KLHL4: variants seen among roughly 807,000 people sequenced by gnomAD.
KLHL4 encodes kelch-like protein 4.
In KLHL4, 17 loss-of-function variants were observed where a neutral mutation model predicts 45.8. The ratio of observed to expected loss-of-function variants is 0.37; its 90% confidence interval spans 0.25 to 0.56. The LOEUF (loss-of-function observed/expected upper bound fraction) is 0.56. KLHL4 is among the 20% of genes least tolerant of loss of function. The probability of loss-of-function intolerance (pLI) is 0.79; values close to 1 mark genes in which losing one functional copy is unlikely to be tolerated. For synonymous variants in KLHL4, 224 were observed against 189.9 expected (o/e 1.18, Z -1.47); for missense variants, 544 against 544.9 (o/e 1.00, Z 0.02).
intron 1 of KLHL4, among the ~76,000 whole-genome samples, chrX:87,544,782 A>G (rs1462792316): frequency 8.9e-6 from 1 of 111,901 alleles, no homozygotes; most frequent in African/African-American, 3.3e-5. Flanking sequence ...TATAGCTTAG[A>G]TCATAGCACT....
intron 1 of KLHL4, among the ~76,000 whole-genome samples, chrX:87,572,075 C>G (rs983817471): frequency 3.6e-5 from 4 of 111,158 alleles, no homozygotes; most frequent in Non-Finnish European, 5.7e-5. Flanking sequence ...AGTTGAAATT[C>G]TGTTTGCATT....
intron 5 of KLHL4, among the ~76,000 whole-genome samples, 177 bp downstream of exon 5, chrX:87,622,600 G>A (rs1298749804): frequency 9.0e-6 from 1 of 110,865 alleles, no homozygotes; most frequent in East Asian, 2.8e-4. Flanking sequence ...ATAAAAGACA[G>A]AAAAAAACAC....
Position 87,635,762 on chromosome X carries a change from G to C in KLHL4, c.1912G>C (p.Asp638His). 1 of 1,183,738 alleles carries C rather than the reference G, an allele frequency of 8.4e-7. No individual in the cohort carries two copies. The stretch of plus-strand genomic sequence containing the variant: ...TTCCAACCATTGCTCCAGGCTTTCT[G>C]ACTGTGTGGAACGGTAAGTTTTTTC... The part of the protein sequence containing the change: ...PASNHCSRLS[D>H]CVERYDPKGD... Residue 638 changes from aspartate (D) to histidine (H), a missense_variant, in exon 9 of 11, where the codon GAC becomes CAC. Transcript: ENST00000373119.
intron 1 of KLHL4, among the ~76,000 whole-genome samples, chrX:87,519,115 A>C (rs1473836075): frequency 8.9e-6 from 1 of 111,910 alleles, no homozygotes; most frequent in Non-Finnish European, 1.9e-5. Flanking sequence ...CTATAACTTA[A>C]CCTAGTGTAT....
rs752980639 is a variant in KLHL4, at chrX:87,636,018, TTTTTTA to T, written c.1925+256_1925+261del. On this transcript the variant is annotated intron_variant, in intron 9 of 10. Coordinates refer to ENST00000373119, the MANE Select transcript of KLHL4 (RefSeq NM_019117.5). ...GGATCTTAGCTAATTTTAATTTTAA[TTTTTTA>T]TTTTTATTTTTAATGGACAGTGTTT... Among the ~76,000 whole-genome samples the T allele has an allele frequency of 4.8e-4, 54 of 111,507 alleles. No homozygotes were observed. The East Asian group carries it at 6.5e-3, about 13-fold the overall frequency.
intron 1 of KLHL4, among the ~76,000 whole-genome samples, chrX:87,592,350 G>T (rs1921697689): frequency 8.9e-6 from 1 of 111,814 alleles, no homozygotes. Context: ...TCGATGTACT[G>T]ATTTCCTGTC....
In KLHL4 at chrX:87,530,539, C is replaced by T. The variant is rs747182270; in HGVS notation, c.422+12224C>T. Among the ~76,000 whole-genome samples the T allele has an allele frequency of 0.015, 1,501 of 100,932 alleles. 130 individuals carry two copies. The Admixed American group carries it at 0.15, about 10-fold the overall frequency. The allele number at this position is 100,932 out of a possible 115,157, so 87.6% of individuals were successfully genotyped here. A position where few individuals can be genotyped will look rare whatever the true frequency, so the allele number is the denominator to read the frequency against. On this transcript the variant is annotated intron_variant, in intron 1 of 10. Coordinates refer to ENST00000373119, the MANE Select transcript of KLHL4 (RefSeq NM_019117.5). ...TGCGGTGTTTGGTTTTTTGTCCTTG[C>T]GATAGTTTACTGAGAATGATGATTT...
At position 87,669,062 on chromosome X, in the gene KLHL4, G is replaced by C; in HGVS notation, c.*2528G>C. 1 of 889,627 alleles carries C rather than the reference G, an allele frequency of 1.1e-6. No homozygotes were observed. The highest frequency in any genetic ancestry group is 1.4e-6 in the Non-Finnish European group (1 of 726,038). 73.3% of individuals were successfully genotyped at this position (889,627 alleles called of 1,213,427 possible). A position where few individuals can be genotyped will look rare whatever the true frequency, so the allele number is the denominator to read the frequency against. ...ACTTAATTGGGAAAAGGAGGAGTAA[G>C]AGCAGGCCCTTTCTGACATGCTTTA... is the stretch of plus-strand genomic sequence containing the variant. On this transcript the variant is annotated 3_prime_UTR_variant, in exon 11 of 11. Transcript: ENST00000373119.
intron 9 of KLHL4, among the ~76,000 whole-genome samples, chrX:87,643,167 T>C (rs937224625): frequency 2.7e-5 from 3 of 111,263 alleles, no homozygotes; most frequent in African/African-American, 9.8e-5. Context: ...TGATAGACCA[T>C]TAGCAAGATT....
chrX:87,664,794 T>C lies in KLHL4; in HGVS notation c.1956T>C (p.Thr652=), dbSNP rs372241888. The C allele has an allele frequency of 1.7e-5, 21 of 1,203,681 alleles. No individual in the cohort carries two copies. In the African/African-American group the frequency reaches 3.2e-4, roughly 18 times the overall value. ...ATCCAAAAGGTGATTCATGGTCAACTGTGGCACCTCTGAGTGTTCCTCGAG... is the reference window on the plus strand; with the variant it reads ...ATCCAAAAGGTGATTCATGGTCAACCGTGGCACCTCTGAGTGTTCCTCGAG... ...RYDPKGDSWS[T]VAPLSVPRDA... Residue 652 remains threonine (T), a synonymous_variant, in exon 10 of 11, where the codon ACT becomes ACC. Transcript: ENST00000373119.
chrX:87,609,369 C>G (rs1472164038), intron 1 of KLHL4, among the ~76,000 whole-genome samples: 2 of 111,928 alleles, frequency 1.8e-5, no homozygotes, highest in Middle Eastern at 4.6e-3. Context: ...AGTTTACAGT[C>G]CCACCAACAG....
At chrX:87,532,114 G>A (rs1931300708) in intron 1 of KLHL4, among the ~76,000 whole-genome samples, 1 of 109,848 alleles carries the variant, frequency 9.1e-6, no homozygotes. Context: ...TTTTGTATAA[G>A]GTGTAAGGAA....
intron 1 of KLHL4, among the ~76,000 whole-genome samples, chrX:87,569,228 T>C (rs1932282179): frequency 1.8e-5 from 2 of 111,750 alleles, no homozygotes; most frequent in South Asian, 7.4e-4. Flanking sequence ...CTCAACATCA[T>C]TAGTCATTAG....
intron 6 of KLHL4, among the ~76,000 whole-genome samples, chrX:87,630,157 G>A (rs1310818912): frequency 9.0e-6 from 1 of 111,524 alleles, no homozygotes. Context: ...TCAAGGAGCA[G>A]TTATATATTT....
intron 1 of KLHL4, among the ~76,000 whole-genome samples, chrX:87,524,832 T>C (rs945493331): frequency 1.4e-4 from 16 of 111,942 alleles, no homozygotes; most frequent in Non-Finnish European, 2.8e-4. Flanking sequence ...GTGGGGACTC[T>C]ATTCTATGAT....
At chrX:87,596,961 T>C (rs1408816315) in intron 1 of KLHL4, among the ~76,000 whole-genome samples, 1 of 112,565 alleles carries the variant, frequency 8.9e-6, no homozygotes, top group Non-Finnish European at 1.9e-5. Flanking sequence ...TAAGACAAGA[T>C]GATCTAGAAA....
intron 1 of KLHL4, among the ~76,000 whole-genome samples, chrX:87,549,151 T>C (rs180999430): frequency 5.5e-5 from 6 of 109,944 alleles, no homozygotes; most frequent in Admixed American, 3.9e-4. Flanking sequence ...TAGAATTAAA[T>C]ACAGAAACTA....
intron 9 of KLHL4, among the ~76,000 whole-genome samples, chrX:87,660,572 C>T (rs1288399805): frequency 1.8e-5 from 2 of 112,198 alleles, no homozygotes; most frequent in Non-Finnish European, 1.9e-5. Flanking sequence ...GAGCCAGGCG[C>T]GGTGCCTCAC....
At position 87,582,643 on chromosome X, in the gene KLHL4, C is replaced by T. The variant is rs1201769044; in HGVS notation, c.423-31234C>T. 3.6e-5 allele frequency among the ~76,000 whole-genome samples: 4 copies of T among 112,130 alleles called. No individual in the cohort carries two copies. The Admixed American group carries it at 3.8e-4, about 11-fold the overall frequency. ...GATGACTACATCTCTTAGGCAACATCTAGTGCAGAACTAGGCCAAGATAAA... is the reference window on the plus strand; with the variant it reads ...GATGACTACATCTCTTAGGCAACATTTAGTGCAGAACTAGGCCAAGATAAA... On this transcript the variant is annotated intron_variant, in intron 1 of 10. Coordinates refer to ENST00000373119, the MANE Select transcript of KLHL4 (RefSeq NM_019117.5).
Sources: allele counts gnomAD v4.1 joint callset (sites outside exome capture counted in the v4.1 genomes callset), GRCh38; gene constraint gnomAD v4.1.1; transcripts MANE v1.5; gene names NCBI Gene and HGNC (gene_info 2026-07-23, HGNC 2026-07-21).